Variants in PDE5A observed in about 807,000 individuals in gnomAD.
PDE5A encodes the protein cGMP-specific 3',5'-cyclic phosphodiesterase.
In PDE5A, 67 loss-of-function variants were observed where a neutral mutation model predicts 110.2. That is an observed-to-expected ratio of 0.61 (90% CI 0.50 to 0.75). PDE5A has a LOEUF of 0.75. PDE5A is among the 30% of genes least tolerant of loss of function. PDE5A has a pLI of 0.00. For missense variants in PDE5A, 862 were observed against 1,045.1 expected, an observed-to-expected ratio of 0.82 and a Z score of 2.42; for synonymous variants, 328 against 351.2, an observed-to-expected ratio of 0.93 and a Z score of 0.74.
At chr4:119,511,802 C>T (rs776552728) in intron 14 of PDE5A, among the ~76,000 whole-genome samples, 16 of 152,060 alleles carry the variant, frequency 1.1e-4, no homozygotes, top group Non-Finnish European at 1.8e-4. Context: ...GACCCTTTGG[C>T]TGAGTGAAGA....
intron 3 of PDE5A, among the ~76,000 whole-genome samples, chr4:119,568,254 T>G (rs754662200): frequency 2.6e-5 from 4 of 152,284 alleles, no homozygotes; most frequent in South Asian, 4.1e-4. Flanking sequence ...TATTTTTACA[T>G]GCTCTTTAGC....
chr4:119,506,276 A>G (rs1175679466), intron 16 of PDE5A, among the ~76,000 whole-genome samples: 1 of 151,936 alleles, frequency 6.6e-6, no homozygotes, highest in African/African-American at 2.4e-5. Flanking sequence ...AGTGCATGGC[A>G]TAATAAGATC....
rs556645941 is a variant in PDE5A at position 119,575,615 on chromosome 4, C to T, written c.832-8471G>A. On this transcript the variant is annotated intron_variant, in intron 3 of 20. Transcript: ENST00000354960. Reference sequence around the variant, plus strand: ...TTCATAAGTGAAGGAGAAATAAAATCCTTTACAGACAAGCAAATGCTGAGA... The same window carrying T: ...TTCATAAGTGAAGGAGAAATAAAATTCTTTACAGACAAGCAAATGCTGAGA... Among the ~76,000 whole-genome samples the T allele has an allele frequency of 1.5e-4, 23 of 152,192 alleles. No homozygotes were observed. The East Asian group carries it at 4.3e-3, about 28-fold the overall frequency.
rs761990013 is a variant in PDE5A at position 119,587,595 on chromosome 4, AG to A, written c.831+8927del. Among the ~76,000 whole-genome samples, 19 of 152,288 alleles carry A rather than the reference AG, an allele frequency of 1.2e-4. No homozygotes were observed. In the South Asian group the frequency reaches 1.7e-3, roughly 13 times the overall value. On this transcript the variant is annotated intron_variant, in intron 3 of 20. Transcript: ENST00000354960. ...GAGACGGGGTTTCACCTTGTTAGCC[AG>A]GATGGTCTCGATCTCCTGACCTCAT...
intron 1 of PDE5A, among the ~76,000 whole-genome samples, chr4:119,612,557 A>C (rs1729794667): frequency 6.6e-6 from 1 of 152,198 alleles, no homozygotes; most frequent in African/African-American, 2.4e-5. Flanking sequence ...CAGAATCATA[A>C]GCCAATTAAA....
intron 3 of PDE5A, among the ~76,000 whole-genome samples, chr4:119,589,570 CT>C (rs1180687471): frequency 4.6e-5 from 7 of 152,234 alleles, no homozygotes; most frequent in African/African-American, 1.7e-4. Flanking sequence ...CCAGAATTAA[CT>C]TTGAAATAAA....
rs775883450 is a variant in PDE5A, at chr4:119,519,058, A to T, written c.1987T>A (p.Ser663Thr). The change falls in exon 14 of 21, where the codon TCT (serine) becomes ACT (threonine). Residue 663 changes from serine (S) to threonine (T), a missense_variant. Physicochemically the swap from Ser to Thr is moderately conservative, Grantham distance 58. Transcript: ENST00000354960. Reference sequence around the variant, plus strand: ...GGAAAGTCTTACCGCTGTATGTAAGAGTTATTCACACCACGGTGATCCAAA... The same window carrying T: ...GGAAAGTCTTACCGCTGTATGTAAGTGTTATTCACACCACGGTGATCCAAA... ...HDLDHRGVNN[S>T]YIQRSEHPLA... 1 of 1,611,378 alleles carries T rather than the reference A, an allele frequency of 6.2e-7. No homozygotes were observed. Among genetic ancestry groups the T allele is most frequent in the South Asian group, 1.1e-5 (1 of 91,014 alleles).
Position 119,562,874 on chromosome 4 carries a change from C to T in PDE5A, c.1090G>A (p.Val364Met). ...ACTATGAAAATGGTGCATTTCTGCACTTGCATGAAAGAGATAATAGTGGCA... is the reference window on the plus strand; with the variant it reads ...ACTATGAAAATGGTGCATTTCTGCATTTGCATGAAAGAGATAATAGTGGCA... ...IAATIISFMQ[V>M]QKCTIFIVDE... The change falls in exon 6 of 21, where the codon GTG (valine) becomes ATG (methionine). Residue 364 changes from valine to methionine, a missense_variant. Val to Met is a conservative substitution (Grantham distance 21). Coordinates refer to ENST00000354960, the MANE Select transcript of PDE5A (RefSeq NM_001083.4). 6.3e-7 allele frequency: 1 copy of T among 1,592,564 alleles called. No homozygotes were observed. Among genetic ancestry groups the T allele is most frequent in the Non-Finnish European group, 8.5e-7 (1 of 1,171,578 alleles).
chr4:119,518,837 G>C (rs1269051100), intron 14 of PDE5A, among the ~76,000 whole-genome samples: 1 of 152,064 alleles, frequency 6.6e-6, no homozygotes, highest in East Asian at 1.9e-4. Flanking sequence ...AATGAAATAA[G>C]ATTCTCAACA....
intron 12 of PDE5A, 86 bp from the exon 13 acceptor site, chr4:119,521,146 A>T: frequency 1.6e-6 from 2 of 1,285,630 alleles, no homozygotes; most frequent in South Asian, 2.9e-5. Flanking sequence ...AAGCATTCAC[A>T]TTTAGCCTGA....
rs199934822 is a variant in PDE5A, at chr4:119,607,013, C to G, written c.437G>C (p.Gly146Ala). The change falls in exon 2 of 21, where the codon GGG (glycine) becomes GCG (alanine). Residue 146 changes from glycine to alanine, a missense_variant. By Grantham distance (60) the Gly-to-Ala change is moderately conservative. Coordinates refer to ENST00000354960, the MANE Select transcript of PDE5A (RefSeq NM_001083.4). ...TTCCAAGAGTCTTGAGCACTGGTCC[C>G]CTTCATCATGATCAAACCTTGGAGG... ...LTPPRFDHDE[G>A]DQCSRLLELV... The G allele has an allele frequency of 9.3e-6, 15 of 1,614,050 alleles. No homozygotes were observed. The highest frequency in any genetic ancestry group is 1.3e-5 in the African/African-American group (1 of 74,906).
chr4:119,563,414 GTA>G (rs1727814183), intron 5 of PDE5A, among the ~76,000 whole-genome samples: 1 of 152,148 alleles, frequency 6.6e-6, no homozygotes, highest in African/African-American at 2.4e-5. Flanking sequence ...ACAGAGCACA[GTA>G]AATATTACCC....
At chr4:119,520,419 T>C (rs908062063) in intron 13 of PDE5A, among the ~76,000 whole-genome samples, 1 of 152,078 alleles carries the variant, frequency 6.6e-6, no homozygotes, top group Admixed American at 6.6e-5. Context: ...TGATCTTCCT[T>C]TTAAACAGTC....
At chr4:119,588,086 A>G (rs1411114629) in intron 3 of PDE5A, among the ~76,000 whole-genome samples, 1 of 152,076 alleles carries the variant, frequency 6.6e-6, no homozygotes, top group Non-Finnish European at 1.5e-5. Flanking sequence ...TGTGTGTTGA[A>G]TATTGGACTC....
chr4:119,520,020 T>C (rs1726066135), intron 13 of PDE5A, among the ~76,000 whole-genome samples: 1 of 152,104 alleles, frequency 6.6e-6, no homozygotes, highest in Non-Finnish European at 1.5e-5. Flanking sequence ...ATGCAAATAT[T>C]CCAAAGTCTG....
At position 119,607,312 on chromosome 4, in the gene PDE5A, G is replaced by A. The variant is rs201288026; in HGVS notation, c.153-15C>T. The stretch of plus-strand genomic sequence containing the variant: ...TGACCATTTCTCTGCAGAACAGAAC[G>A]TGCAGACACATTAGATACTTGAAGA... On this transcript the variant is annotated splice_polypyrimidine_tract_variant and intron_variant, in intron 1 of 20. Coordinates refer to ENST00000354960, the MANE Select transcript of PDE5A (RefSeq NM_001083.4). The A allele has an allele frequency of 3.8e-5, 59 of 1,549,364 alleles. No homozygotes were observed. Among genetic ancestry groups the A allele is most frequent in the South Asian group, 2.7e-4 (24 of 89,000 alleles).
chr4:119,627,322 C>A lies in PDE5A; in HGVS notation c.152+1198G>T. 2 of 1,172,242 alleles carry A rather than the reference C, an allele frequency of 1.7e-6. No homozygotes were observed. Among genetic ancestry groups the A allele is most frequent in the South Asian group, 6.1e-5 (2 of 32,692 alleles). 72.6% of individuals were successfully genotyped at this position (1,172,242 alleles called of 1,614,324 possible). ...CGGCCCCGGCCTCCGCGCCGCCGCCCGTCGCCTCCCGCTCGCCCCGCGCTG... is the reference window on the plus strand; with the variant it reads ...CGGCCCCGGCCTCCGCGCCGCCGCCAGTCGCCTCCCGCTCGCCCCGCGCTG... On this transcript the variant is annotated intron_variant, in intron 1 of 20. Transcript: ENST00000354960. This position sits in a 1 kb window ranked among gnomAD's most constrained non-coding sequence, Gnocchi z 4.6.
chr4:119,522,691 A>T (rs1332338856), intron 12 of PDE5A, among the ~76,000 whole-genome samples: 1 of 152,132 alleles, frequency 6.6e-6, no homozygotes, highest in East Asian at 1.9e-4. Context: ...TGGACAAAGT[A>T]GTTAGTACCT....
chr4:119,596,496 C>A, intron 3 of PDE5A, 27 bp downstream of exon 3: 2 of 1,300,122 alleles, frequency 1.5e-6, no homozygotes, highest in Non-Finnish European at 1.1e-6. Flanking sequence ...TTCCAATGAC[C>A]TTTTATAAAA....
Sources: gnomAD v4.1 joint callset for allele counts (sites outside exome capture counted in the v4.1 genomes callset) on GRCh38, gnomAD v4.1.1 for gene constraint, Gnocchi (gnomAD v3.1) non-coding constraint, MANE v1.5 for transcripts, NCBI Gene and HGNC (gene_info 2026-07-23, HGNC 2026-07-21) for gene names.